Variants in NOL4 observed in about 807,000 individuals in gnomAD.
NOL4 encodes cancer/testis antigen 125.
Under a neutral mutation model 75.9 loss-of-function variants are expected in NOL4, and 17 were observed. That is an observed-to-expected ratio of 0.22 (90% CI 0.15 to 0.34). The LOEUF is 0.34. Ranked by LOEUF, NOL4 falls within the 10% of genes least tolerant of loss-of-function variation. The probability of loss-of-function intolerance (pLI) is 1.00; values close to 1 mark genes in which losing one functional copy is unlikely to be tolerated. For missense variants in NOL4, 614 were observed against 793.5 expected (o/e 0.77, Z 2.72); for synonymous variants, 292 against 289.9 (o/e 1.01, Z -0.07).
At chr18:34,051,226 A>G (rs2076611833) in intron 5 of NOL4, among the ~76,000 whole-genome samples, 1 of 152,056 alleles carries the variant, frequency 6.6e-6, no homozygotes, top group East Asian at 1.9e-4. Context: ...TATACTTAAT[A>G]AATGAAAATA....
chr18:34,065,097 G>C (rs926937030), intron 5 of NOL4, among the ~76,000 whole-genome samples: 7 of 151,912 alleles, frequency 4.6e-5, no homozygotes, highest in African/African-American at 1.7e-4. Flanking sequence ...AAAAGGGTTA[G>C]ATAATGATAT....
chr18:33,999,150 T>G (rs971215293), intron 6 of NOL4, among the ~76,000 whole-genome samples: 3 of 151,640 alleles, frequency 2.0e-5, no homozygotes, highest in East Asian at 2.0e-4. Flanking sequence ...TGAGTTTTTT[T>G]TTTTTTTTTT....
chr18:33,856,170 T>G (rs762576910), intron 10 of NOL4, among the ~76,000 whole-genome samples: 3 of 152,060 alleles, frequency 2.0e-5, no homozygotes, highest in African/African-American at 7.2e-5. Context: ...GACTGATGGA[T>G]GTTTGTATTT....
At chr18:34,076,192 C>A (rs1368006736) in intron 5 of NOL4, among the ~76,000 whole-genome samples, 1 of 152,146 alleles carries the variant, frequency 6.6e-6, no homozygotes, top group Non-Finnish European at 1.5e-5. Flanking sequence ...AAGGTTCCCT[C>A]TCCCCTACGC....
At chr18:33,863,055 A>T (rs916975127) in intron 10 of NOL4, among the ~76,000 whole-genome samples, 5 of 152,224 alleles carry the variant, frequency 3.3e-5, no homozygotes, top group African/African-American at 7.2e-5. Flanking sequence ...GATTAAGAAA[A>T]TGTGGCACAT....
At chr18:33,997,101 G>C (rs1003621852) in intron 6 of NOL4, among the ~76,000 whole-genome samples, 1 of 151,802 alleles carries the variant, frequency 6.6e-6, no homozygotes, top group Non-Finnish European at 1.5e-5. Flanking sequence ...AGTTTAACTA[G>C]GTTCCACTTG....
At chr18:34,036,443 T>C (rs532867814) in intron 5 of NOL4, among the ~76,000 whole-genome samples, 15 of 152,254 alleles carry the variant, frequency 9.9e-5, no homozygotes, top group Non-Finnish European at 1.5e-4. Context: ...CAATTAGGCA[T>C]AGAAGGACCA....
intron 5 of NOL4, among the ~76,000 whole-genome samples, chr18:34,086,739 A>T (rs1373516263): frequency 6.6e-6 from 1 of 152,124 alleles, no homozygotes; most frequent in African/African-American, 2.4e-5. Context: ...AGCATTTCAA[A>T]GGAGTATTTC....
At chr18:34,057,673 C>T (rs2076888226) in intron 5 of NOL4, among the ~76,000 whole-genome samples, 2 of 152,148 alleles carry the variant, frequency 1.3e-5, no homozygotes, top group African/African-American at 4.8e-5. Flanking sequence ...TGATTACATG[C>T]ACTGGATGGT....
At chr18:34,128,926 C>A in intron 2 of NOL4, 1 of 852,800 alleles carries the variant, frequency 1.2e-6, no homozygotes, top group Non-Finnish European at 1.4e-6. Context: ...TATTGTATAT[C>A]AATATAGCTG....
At chr18:34,195,349 T>G (rs927527510) in intron 1 of NOL4, among the ~76,000 whole-genome samples, 2 of 152,158 alleles carry the variant, frequency 1.3e-5, no homozygotes, top group African/African-American at 4.8e-5. Context: ...CTATTGACAA[T>G]TGGCATCATC....
chr18:33,922,306 C>A (rs1230066936), intron 9 of NOL4, among the ~76,000 whole-genome samples: 1 of 152,162 alleles, frequency 6.6e-6, no homozygotes, highest in Non-Finnish European at 1.5e-5. Flanking sequence ...TAACATTGCC[C>A]TCCTTCAGTT....
chr18:34,208,025 GT>G (rs2036244046), intron 1 of NOL4, among the ~76,000 whole-genome samples: 1 of 152,164 alleles, frequency 6.6e-6, no homozygotes, highest in Non-Finnish European at 1.5e-5. Flanking sequence ...CCTATTCCTG[GT>G]CCTCTGGACA....
At chr18:33,988,664 A>T (rs1344362066) in intron 6 of NOL4, among the ~76,000 whole-genome samples, 1 of 151,934 alleles carries the variant, frequency 6.6e-6, no homozygotes, top group Non-Finnish European at 1.5e-5. Flanking sequence ...AGTAAAATTG[A>T]TTACCTGGAT....
At chr18:34,006,318 A>G (rs1167564344) in intron 6 of NOL4, among the ~76,000 whole-genome samples, 2 of 152,100 alleles carry the variant, frequency 1.3e-5, no homozygotes, top group African/African-American at 4.8e-5. Flanking sequence ...CTGGTAAAAC[A>G]TTACTTCTGA....
intron 9 of NOL4, among the ~76,000 whole-genome samples, chr18:33,896,812 C>T (rs1464371015): frequency 6.6e-6 from 1 of 152,076 alleles, no homozygotes; most frequent in East Asian, 1.9e-4. Context: ...GCAAAAGAAA[C>T]TATCAACAGA....
chr18:34,175,987 T>C (rs1439162053), intron 1 of NOL4, among the ~76,000 whole-genome samples: 1 of 151,786 alleles, frequency 6.6e-6, no homozygotes, highest in Admixed American at 6.6e-5. Context: ...AAACAATCAA[T>C]AGGAAATGTC....
rs1440704235 is a variant in NOL4, at chr18:33,911,133, C to T, written c.1543-27709G>A. Among the ~76,000 whole-genome samples the T allele has an allele frequency of 3.3e-5, 5 of 151,684 alleles. No individual in the cohort carries two copies. The South Asian group carries it at 1.0e-3, about 32-fold the overall frequency. On this transcript the variant is annotated intron_variant, in intron 9 of 10. Coordinates refer to ENST00000261592, the MANE Select transcript of NOL4 (RefSeq NM_003787.5). ...TTGGCTTTCCGATTCTTTATATGTG[C>T]TCCTCCCCCCCACCCCACCCTCTGG...
At position 33,866,816 on chromosome 18, in the gene NOL4, A is replaced by G. The variant is rs139208906; in HGVS notation, c.1724-13781T>C. Reference sequence around the variant, plus strand: ...TTAACTTAAGCTGAACAAACATACTACATAATGGCATAATGATTTACTGTA... The same window carrying G: ...TTAACTTAAGCTGAACAAACATACTGCATAATGGCATAATGATTTACTGTA... On this transcript the variant is annotated intron_variant, in intron 10 of 10. Transcript: ENST00000261592. Among the ~76,000 whole-genome samples the G allele has an allele frequency of 4.3e-4, 65 of 152,322 alleles. No individual in the cohort carries two copies. In the East Asian group the frequency reaches 0.011, roughly 26 times the overall value.
Sources: gnomAD v4.1 joint callset for allele counts (sites outside exome capture counted in the v4.1 genomes callset) on GRCh38, gnomAD v4.1.1 for gene constraint, MANE v1.5 for transcripts, NCBI Gene and HGNC (gene_info 2026-07-23, HGNC 2026-07-21) for gene names.